Variants in CLIP4 observed in about 807,000 individuals in gnomAD.
The protein encoded by CLIP4 is CAP-Gly domain containing linker protein family member 4.
CLIP4 carries 47 observed loss-of-function variants against 73.1 expected under a neutral mutation model. That is an observed-to-expected ratio of 0.64 (90% CI 0.51 to 0.82). The LOEUF (loss-of-function observed/expected upper bound fraction) is 0.82. CLIP4 is among the 40% of genes least tolerant of loss of function. CLIP4 has a pLI of 0.00. For missense variants in CLIP4, 874 were observed against 852.9 expected (o/e 1.02, Z -0.31); for synonymous variants, 306 against 295.4 (o/e 1.04, Z -0.37).
At chr2:29,109,283 G>T (rs1668318951) in intron 1 of CLIP4, among the ~76,000 whole-genome samples, 1 of 152,056 alleles carries the variant, frequency 6.6e-6, no homozygotes, top group Non-Finnish European at 1.5e-5. Flanking sequence ...CTTAGCTTTT[G>T]TGCCACAGTG....
chr2:29,131,853 A>T, intron 3 of CLIP4: 1 of 344,914 alleles, frequency 2.9e-6, no homozygotes, highest in Non-Finnish European at 5.2e-6. Context: ...TTTTTCAAAT[A>T]TCATTACACG....
At chr2:29,099,286 A>G (rs1408203568) in intron 1 of CLIP4, among the ~76,000 whole-genome samples, 2 of 152,226 alleles carry the variant, frequency 1.3e-5, no homozygotes, top group African/African-American at 4.8e-5. Context: ...ACCCAAGGTC[A>G]CTTAGATTTT....
rs1664227890 is a variant in CLIP4 at position 29,121,232 on chromosome 2, A to T, written c.-15-142A>T. On this transcript the variant is annotated intron_variant, in intron 1 of 15. Transcript: ENST00000320081. ...TTTAACAACAGTTTTGCCAAAAGGA[A>T]TTTTTTCCCTTTCATAAAAGATCCT... is the stretch of plus-strand genomic sequence containing the variant. The T allele has an allele frequency of 3.6e-6, 3 of 839,678 alleles. No individual in the cohort carries two copies. The East Asian group carries it at 8.1e-5, about 23-fold the overall frequency. 52.0% of individuals were successfully genotyped at this position (839,678 alleles called of 1,614,324 possible).
rs548080940 is a variant in CLIP4 at position 29,150,204 on chromosome 2, C to G, written c.1022-2481C>G. ...ACTCCAATTAATTTAGCCTTCTACC[C>G]CATCCCACTTTGTTAGGGGGAAGGT... On this transcript the variant is annotated intron_variant, in intron 8 of 15. Coordinates refer to ENST00000320081, the MANE Select transcript of CLIP4 (RefSeq NM_024692.6). Among the ~76,000 whole-genome samples, 79 of 152,310 alleles carry G rather than the reference C, an allele frequency of 5.2e-4. No homozygotes were observed. In the South Asian group the frequency reaches 0.015, roughly 30 times the overall value.
At chr2:29,163,156 G>A (rs1214380191) in intron 12 of CLIP4, among the ~76,000 whole-genome samples, 2 of 151,892 alleles carry the variant, frequency 1.3e-5, no homozygotes, top group Non-Finnish European at 2.9e-5. Context: ...ATTTTAGGCT[G>A]TCTAGAAAAG....
chr2:29,146,420 T>G (rs941583538), intron 8 of CLIP4, among the ~76,000 whole-genome samples: 1 of 152,174 alleles, frequency 6.6e-6, no homozygotes, highest in Admixed American at 6.5e-5. Flanking sequence ...CTCTGCGAGG[T>G]TTCTTTCTCT....
In CLIP4 at chr2:29,183,793, C is replaced by T. The variant is rs961074907; in HGVS notation, c.*1900C>T. On this transcript the variant is annotated 3_prime_UTR_variant, in exon 16 of 16. Coordinates refer to ENST00000320081, the MANE Select transcript of CLIP4 (RefSeq NM_024692.6). Reference sequence around the variant, plus strand: ...TCTTGAGCATCAATAAAAAGGGAAGCTGTGTGGTTTTGGAATGGTATCTTG... The same window carrying T: ...TCTTGAGCATCAATAAAAAGGGAAGTTGTGTGGTTTTGGAATGGTATCTTG... 6.6e-6 allele frequency: 1 copy of T among 152,164 alleles called. No individual in the cohort carries two copies. The highest frequency in any genetic ancestry group is 2.4e-5 in the African/African-American group (1 of 41,424). The allele number at this position is 152,164 out of a possible 1,614,324, so 9.4% of individuals were successfully genotyped here. A position where few individuals can be genotyped will look rare whatever the true frequency, so the allele number is the denominator to read the frequency against.
At chr2:29,133,193 G>C (rs1665102065) in intron 4 of CLIP4, among the ~76,000 whole-genome samples, 1 of 152,088 alleles carries the variant, frequency 6.6e-6, no homozygotes, top group Non-Finnish European at 1.5e-5. Context: ...CTTTAAAAAA[G>C]AGGAAAGAAT....
intron 5 of CLIP4, 77 bp downstream of exon 5, chr2:29,133,893 T>C (rs760974048): frequency 2.4e-6 from 3 of 1,273,832 alleles, no homozygotes; most frequent in South Asian, 3.3e-5. Context: ...AATTCAAGGA[T>C]ATTTTTTCCT....
chr2:29,099,287 C>G (rs1334820247), intron 1 of CLIP4, among the ~76,000 whole-genome samples: 1 of 152,164 alleles, frequency 6.6e-6, no homozygotes, highest in African/African-American at 2.4e-5. Context: ...CCCAAGGTCA[C>G]TTAGATTTTC....
Position 29,181,809 on chromosome 2 carries a change from G to T in CLIP4, c.2034G>T (p.Lys678Asn). Residue 678 changes from lysine to asparagine, a missense_variant, in exon 16 of 16, where the codon AAG becomes AAT. Coordinates refer to ENST00000320081, the MANE Select transcript of CLIP4 (RefSeq NM_024692.6). ...SVGDKRYFTC[K>N]PNHGVLVRPS... ...GTGACAAGCGCTATTTCACCTGTAA[G>T]CCGAACCATGGAGTCTTAGTTCGAC... 6.2e-7 allele frequency: 1 copy of T among 1,614,190 alleles called. No individual in the cohort carries two copies. The highest frequency in any genetic ancestry group is 1.1e-5 in the South Asian group (1 of 91,084).
intron 8 of CLIP4, among the ~76,000 whole-genome samples, chr2:29,147,837 C>T (rs897715927): frequency 2.6e-5 from 4 of 152,068 alleles, no homozygotes; most frequent in Non-Finnish European, 4.4e-5. Context: ...AATTTTTATA[C>T]TTAATTATGT....
chr2:29,151,390 T>C (rs911226819), intron 8 of CLIP4, among the ~76,000 whole-genome samples: 1 of 152,134 alleles, frequency 6.6e-6, no homozygotes, highest in Non-Finnish European at 1.5e-5. Context: ...ATCATCATCA[T>C]CGTCGTCATT....
intron 13 of CLIP4, among the ~76,000 whole-genome samples, chr2:29,165,596 G>T (rs1245031066): frequency 1.3e-5 from 2 of 152,222 alleles, no homozygotes; most frequent in Non-Finnish European, 2.9e-5. Context: ...TAAAATGCAT[G>T]CTGAGTCACC....
At chr2:29,108,179 A>C (rs1482575175) in intron 1 of CLIP4, among the ~76,000 whole-genome samples, 1 of 152,214 alleles carries the variant, frequency 6.6e-6, no homozygotes, top group African/African-American at 2.4e-5. Flanking sequence ...CCTATGATAA[A>C]GTTTAATTTG....
At chr2:29,131,505 G>A in intron 3 of CLIP4, 108 bp downstream of exon 3, 1 of 1,167,494 alleles carries the variant, frequency 8.6e-7, no homozygotes, top group Admixed American at 2.7e-5. Context: ...CCCTTTAAAA[G>A]TTCTGATATT....
chr2:29,120,165 T>C (rs1180300269), intron 1 of CLIP4, among the ~76,000 whole-genome samples: 1 of 152,188 alleles, frequency 6.6e-6, no homozygotes, highest in Non-Finnish European at 1.5e-5. Flanking sequence ...TAAGTAATTT[T>C]AGCATCCAAG....
Position 29,157,522 on chromosome 2 carries a change from C to T in CLIP4, c.1399+175C>T, listed in dbSNP as rs115324985. ...AAGCCTTAAGGTCTCTTTGTTTTGC[C>T]GTCTCAGATATAAGACTTTGCATTT... On this transcript the variant is annotated intron_variant, in intron 11 of 15. Transcript: ENST00000320081. The T allele has an allele frequency of 1.6e-3, 1,466 of 905,994 alleles. 18 individuals carry two copies. In the African/African-American group the frequency reaches 0.021, roughly 13 times the overall value. The allele number at this position is 905,994 out of a possible 1,614,324, so 56.1% of individuals were successfully genotyped here.
At chr2:29,168,160 C>T (rs1419782067) in intron 14 of CLIP4, among the ~76,000 whole-genome samples, 1 of 152,140 alleles carries the variant, frequency 6.6e-6, no homozygotes, top group Non-Finnish European at 1.5e-5. Flanking sequence ...GAAGTCTTTG[C>T]CTATCTGAAG....
Sources: gnomAD v4.1 joint callset for allele counts (sites outside exome capture counted in the v4.1 genomes callset) on GRCh38, gnomAD v4.1.1 for gene constraint, MANE v1.5 for transcripts, NCBI Gene and HGNC (gene_info 2026-07-23, HGNC 2026-07-21) for gene names.